FOXJ2: variants seen among roughly 807,000 people sequenced by gnomAD.
The protein encoded by FOXJ2 is forkhead box J2, also known as forkhead box protein J2.
In FOXJ2, 18 loss-of-function variants were observed where a neutral mutation model predicts 68.4. The observed-to-expected ratio is 0.26, with a 90% CI of 0.18 to 0.39. FOXJ2 has a LOEUF of 0.39. Among genes scored for constraint, FOXJ2 ranks in the 10% least tolerant of loss-of-function variants. The pLI, the probability that FOXJ2 is intolerant of heterozygous loss-of-function variation, is 1.00. For missense variants in FOXJ2, 670 were observed against 726.5 expected, an observed-to-expected ratio of 0.92 and a Z score of 0.89; for synonymous variants, 274 against 263.2, an observed-to-expected ratio of 1.04 and a Z score of -0.40.
rs145677680 is a variant in FOXJ2 at position 8,039,940 on chromosome 12, C to T, written c.108C>T (p.Pro36=). The T allele has an allele frequency of 3.1e-5, 50 of 1,613,938 alleles. No individual in the cohort carries two copies. Among genetic ancestry groups the T allele is most frequent in the Non-Finnish European group, 4.1e-5 (48 of 1,180,014 alleles). The part of the protein sequence containing the change: ...KLGSASQAGP[P]GSSRKCSPGS... ...GAAGTGCCTCCCAGGCTGGGCCTCC[C>T]GGGAGCAGCCGCAAGTGTTCACCAG... is the stretch of plus-strand genomic sequence containing the variant. Residue 36 remains proline, a synonymous_variant, in exon 2 of 11, where the codon CCC becomes CCT. Transcript: ENST00000162391.
At position 8,032,921 on chromosome 12, in the gene FOXJ2, C is replaced by T. The variant is rs923708347; in HGVS notation, c.-927C>T. ...AGGGACCGGAGTCTCGAGCCGCGGC[C>T]TCCCGGACCGTGCTGCCCAGGCCAG... On this transcript the variant is annotated 5_prime_UTR_variant, in exon 1 of 11. Coordinates refer to ENST00000162391, the MANE Select transcript of FOXJ2 (RefSeq NM_018416.3). This position sits in a 1 kb window ranked among gnomAD's most constrained non-coding sequence, Gnocchi z 4.8. The T allele has an allele frequency of 1.3e-5, 5 of 397,960 alleles. No individual in the cohort carries two copies. Among genetic ancestry groups the T allele is most frequent in the East Asian group, 1.1e-4 (3 of 27,992 alleles). 24.7% of individuals were successfully genotyped at this position (397,960 alleles called of 1,614,324 possible). A position where few individuals can be genotyped will look rare whatever the true frequency, so the allele number is the denominator to read the frequency against.
intron 6 of FOXJ2, among the ~76,000 whole-genome samples, chr12:8,045,160 C>T (rs1277560635): frequency 6.6e-6 from 1 of 152,020 alleles, no homozygotes; most frequent in Non-Finnish European, 1.5e-5. Context: ...TCTGTCATCT[C>T]AACTTCTCGA....
intron 2 of FOXJ2, among the ~76,000 whole-genome samples, chr12:8,041,248 CTG>C (rs1336066616): frequency 1.3e-5 from 2 of 151,864 alleles, no homozygotes; most frequent in East Asian, 3.9e-4. Flanking sequence ...TGTCCCCAGA[CTG>C]GAGTTTAGTG....
Position 8,032,721 on chromosome 12 carries a change from G to A in FOXJ2, c.-1127G>A, listed in dbSNP as rs1189028836. 5.1e-6 allele frequency: 2 copies of A among 391,136 alleles called. No individual in the cohort carries two copies. Among genetic ancestry groups the A allele is most frequent in the Non-Finnish European group, 9.0e-6 (2 of 221,372 alleles). The allele number at this position is 391,136 out of a possible 1,614,324, so 24.2% of individuals were successfully genotyped here. A position where few individuals can be genotyped will look rare whatever the true frequency, so the allele number is the denominator to read the frequency against. Reference sequence around the variant, plus strand: ...CCGGGGAGGAGCCGGGGCCTGCAGCGGAGCCGAGCCGAGCCCGAGCCCGCG... The same window carrying A: ...CCGGGGAGGAGCCGGGGCCTGCAGCAGAGCCGAGCCGAGCCCGAGCCCGCG... On this transcript the variant is annotated 5_prime_UTR_variant, in exon 1 of 11. Transcript: ENST00000162391. The surrounding 1 kb of genome is among the most constrained non-coding windows in gnomAD (Gnocchi z 4.8).
chr12:8,044,055 A>C lies in FOXJ2; in HGVS notation c.582A>C (p.Ser194=). 1 of 1,573,046 alleles carries C rather than the reference A, an allele frequency of 6.4e-7. No individual in the cohort carries two copies. Among genetic ancestry groups the C allele is most frequent in the Non-Finnish European group, 8.6e-7 (1 of 1,161,912 alleles). ...CTCCTGAGGGGAATCCGCAGATGTC[A>C]CTTCAGAGCCCCACATCTATAGCCA... is the stretch of plus-strand genomic sequence containing the variant. ...SLPPEGNPQM[S]LQSPTSIASY... Residue 194 remains serine, a synonymous_variant, in exon 5 of 11, where the codon TCA becomes TCC. Coordinates refer to ENST00000162391, the MANE Select transcript of FOXJ2 (RefSeq NM_018416.3).
chr12:8,051,224 G>T (rs1000392816), intron 10 of FOXJ2, among the ~76,000 whole-genome samples: 1 of 150,990 alleles, frequency 6.6e-6, no homozygotes, highest in Non-Finnish European at 1.5e-5. Context: ...CCACCTCCTG[G>T]GTTGAAATGA....
intron 10 of FOXJ2, among the ~76,000 whole-genome samples, chr12:8,052,136 G>A (rs1447870707): frequency 2.0e-5 from 3 of 152,116 alleles, no homozygotes; most frequent in Non-Finnish European, 4.4e-5. Flanking sequence ...TCAAAGTGCT[G>A]GGATTATAGG....
In FOXJ2 at chr12:8,047,892, T is replaced by C; in HGVS notation, c.828T>C (p.Ser276=). 1.9e-6 allele frequency: 3 copies of C among 1,574,944 alleles called. No homozygotes were observed. The highest frequency in any genetic ancestry group is 2.6e-6 in the Non-Finnish European group (3 of 1,154,688). ...CCTCCCCACCTGCAGGCTTTTCTTC[T>C]CTCCTGGGGGACATCCCACCCTCGA... is the stretch of plus-strand genomic sequence containing the variant. The part of the protein sequence containing the change: ...SSSSSQHGFS[S]LLGDIPPSNN... Residue 276 remains serine (S), a synonymous_variant, in exon 7 of 11, where the codon TCT becomes TCC. Transcript: ENST00000162391.
chr12:8,039,052 T>C (rs968161822), intron 1 of FOXJ2, among the ~76,000 whole-genome samples: 2 of 152,102 alleles, frequency 1.3e-5, no homozygotes, highest in Non-Finnish European at 2.9e-5. Flanking sequence ...GGCGGGAGCG[T>C]GCAAGGGGTA....
In FOXJ2 at chr12:8,055,162, G is replaced by T. The variant is rs149927732; in HGVS notation, c.*2312G>T. ...TCCCCTCCCCTTCATGAAATGAAAA[G>T]AATACTACTTTTTCTTGTTGGTCTA... On this transcript the variant is annotated 3_prime_UTR_variant, in exon 11 of 11. Transcript: ENST00000162391. 6 of 152,760 alleles carry T rather than the reference G, an allele frequency of 3.9e-5. No individual in the cohort carries two copies. Among genetic ancestry groups the T allele is most frequent in the East Asian group, 1.9e-4 (1 of 5,186 alleles). 9.5% of individuals were successfully genotyped at this position (152,760 alleles called of 1,614,324 possible). A position where few individuals can be genotyped will look rare whatever the true frequency, so the allele number is the denominator to read the frequency against.
rs898059385 is a variant in FOXJ2 at position 8,054,435 on chromosome 12, A to T, written c.*1585A>T. On this transcript the variant is annotated 3_prime_UTR_variant, in exon 11 of 11. Transcript: ENST00000162391. ...TCTTTGTGATTTCTGCTTTTCATGC[A>T]TATTATTTTATTTACCCATAATTTC... is the stretch of plus-strand genomic sequence containing the variant. 1 of 152,290 alleles carries T rather than the reference A, an allele frequency of 6.6e-6. No individual in the cohort carries two copies. 9.4% of individuals were successfully genotyped at this position (152,290 alleles called of 1,614,324 possible). A position where few individuals can be genotyped will look rare whatever the true frequency, so the allele number is the denominator to read the frequency against.
chr12:8,047,898 G>A lies in FOXJ2; in HGVS notation c.834G>A (p.Leu278=). 2 of 1,595,246 alleles carry A rather than the reference G, an allele frequency of 1.3e-6. No individual in the cohort carries two copies. Among genetic ancestry groups the A allele is most frequent in the East Asian group, 2.2e-5 (1 of 44,554 alleles). ...CACCTGCAGGCTTTTCTTCTCTCCT[G>A]GGGGACATCCCACCCTCGAACAACT... ...SSSQHGFSSL[L]GDIPPSNNYY... The change falls in exon 7 of 11, where the codon CTG becomes CTA. Residue 278 remains leucine, a synonymous_variant. Coordinates refer to ENST00000162391, the MANE Select transcript of FOXJ2 (RefSeq NM_018416.3).
intron 6 of FOXJ2, among the ~76,000 whole-genome samples, chr12:8,047,600 C>A (rs1048372852): frequency 6.6e-6 from 1 of 151,970 alleles, no homozygotes; most frequent in African/African-American, 2.4e-5. Context: ...TGATTTCAGG[C>A]CTTCAGCCAA....
intron 6 of FOXJ2, among the ~76,000 whole-genome samples, 183 bp from the exon 7 acceptor site, chr12:8,047,699 T>G (rs946799558): frequency 6.6e-6 from 1 of 152,106 alleles, no homozygotes; most frequent in South Asian, 2.1e-4. Context: ...TCCTCTAACC[T>G]AAGTGCCTTC....
intron 5 of FOXJ2, among the ~76,000 whole-genome samples, 194 bp downstream of exon 5, chr12:8,044,285 G>GA (rs1171505952): frequency 6.6e-6 from 1 of 151,874 alleles, no homozygotes; most frequent in African/African-American, 2.4e-5. Context: ...GAAACATCAG[G>GA]AAAAAAAAGC....
Position 8,039,947 on chromosome 12 carries a change from A to C in FOXJ2, c.115A>C (p.Ser39Arg). Residue 39 changes from serine (S) to arginine (R), a missense_variant, in exon 2 of 11, where the codon AGC becomes CGC. Ser to Arg is a moderately radical substitution (Grantham distance 110). Coordinates refer to ENST00000162391, the MANE Select transcript of FOXJ2 (RefSeq NM_018416.3). ...CTCCCAGGCTGGGCCTCCCGGGAGCAGCCGCAAGTGTTCACCAGGGTCACC... is the reference window on the plus strand; with the variant it reads ...CTCCCAGGCTGGGCCTCCCGGGAGCCGCCGCAAGTGTTCACCAGGGTCACC... ...SASQAGPPGS[S>R]RKCSPGSPTD... is the part of the protein sequence containing the mutation. The C allele has an allele frequency of 6.2e-7, 1 of 1,614,152 alleles. No individual in the cohort carries two copies. The highest frequency in any genetic ancestry group is 8.5e-7 in the Non-Finnish European group (1 of 1,180,026).
chr12:8,035,395 G>A lies in FOXJ2; in HGVS notation c.-15+1562G>A, dbSNP rs959346981. ...AGCCCTCGTGACGGTCTACAGGACA[G>A]TCCTTTAAGCAGCAGGGCAACCCAG... On this transcript the variant is annotated intron_variant, in intron 1 of 10. Transcript: ENST00000162391. This position sits in a 1 kb window ranked among gnomAD's most constrained non-coding sequence, Gnocchi z 4.0. 6.6e-6 allele frequency among the ~76,000 whole-genome samples: 1 copy of A among 152,126 alleles called. No homozygotes were observed. The highest frequency in any genetic ancestry group is 2.4e-5 in the African/African-American group (1 of 41,420).
rs1410177934 is a variant in FOXJ2 at position 8,050,620 on chromosome 12, G to T, written c.1636G>T (p.Ala546Ser). 1 of 1,613,962 alleles carries T rather than the reference G, an allele frequency of 6.2e-7. No homozygotes were observed. The highest frequency in any genetic ancestry group is 8.5e-7 in the Non-Finnish European group (1 of 1,179,976). ...GGACTCAGCAGGATACAATCGCCCA[G>T]GTAAGAGCTAAGAAGCTTGTTTCAA... ...TQDSAGYNRP[A>S]HHMVPRPSVP... The change falls in exon 10 of 11, where the codon GCA becomes TCA. Residue 546 changes from alanine to serine, a missense_variant and splice_region_variant. Around this residue, in one of 2 missense-constraint regions of FOXJ2, gnomAD observed 555 missense variants for 562.2 expected, o/e 0.99. Coordinates refer to ENST00000162391, the MANE Select transcript of FOXJ2 (RefSeq NM_018416.3).
Position 8,039,847 on chromosome 12 carries a change from A to G in FOXJ2, c.15A>G (p.Leu5=), listed in dbSNP as rs769672438. 1.2e-6 allele frequency: 2 copies of G among 1,613,698 alleles called. No homozygotes were observed. Among genetic ancestry groups the G allele is most frequent in the South Asian group, 2.2e-5 (2 of 91,062 alleles). ...CCAGAAGTACCATGGCTTCTGACCT[A>G]GAGAGTAGCCTCACCTCCATAGACT... The part of the protein sequence containing the change: MASD[L]ESSLTSIDWL... The change falls in exon 2 of 11, where the codon CTA becomes CTG. Residue 5 remains leucine (L), a synonymous_variant. Transcript: ENST00000162391.
Sources: allele counts gnomAD v4.1 joint callset (sites outside exome capture counted in the v4.1 genomes callset), GRCh38; gene constraint gnomAD v4.1.1; regional missense constraint gnomAD v4.1.1; non-coding constraint Gnocchi (gnomAD v3.1); transcripts MANE v1.5; gene names NCBI Gene and HGNC (gene_info 2026-07-23, HGNC 2026-07-21).